RIC1: variants seen among roughly 807,000 people sequenced by gnomAD.
The protein encoded by RIC1 is guanine nucleotide exchange factor subunit RIC1.
In RIC1, 88 loss-of-function variants were observed where a neutral mutation model predicts 169.0. That is an observed-to-expected ratio of 0.52 (90% CI 0.44 to 0.62). RIC1 has a LOEUF of 0.62. Among genes scored for constraint, RIC1 ranks in the 20% least tolerant of loss-of-function variants. The probability of loss-of-function intolerance (pLI) is 0.00; values close to 1 mark genes in which losing one functional copy is unlikely to be tolerated. For synonymous variants in RIC1, 790 were observed against 601.5 expected (o/e 1.31, Z -4.59); for missense variants, 1,877 against 1,725.5 (o/e 1.09, Z -1.56).
At chr9:5,746,729 A>T (rs1183960047) in intron 11 of RIC1, among the ~76,000 whole-genome samples, 1 of 152,220 alleles carries the variant, frequency 6.6e-6, no homozygotes, top group Non-Finnish European at 1.5e-5. Flanking sequence ...AATATACAGT[A>T]ATGGTATATG....
chr9:5,634,698 CT>C (rs1479201810), intron 1 of RIC1, among the ~76,000 whole-genome samples: 1 of 152,016 alleles, frequency 6.6e-6, no homozygotes, highest in Non-Finnish European at 1.5e-5. Flanking sequence ...GTTTTCTTTA[CT>C]GTACAATAAC....
chr9:5,740,184 C>T (rs772193417), intron 8 of RIC1, among the ~76,000 whole-genome samples: 8 of 152,172 alleles, frequency 5.3e-5, no homozygotes, highest in Non-Finnish European at 8.8e-5. Context: ...TATAGAGTCA[C>T]TAAACTCCTT....
At chr9:5,778,494 C>CTAAT (rs757694891), downstream of RIC1, among the ~76,000 whole-genome samples, 1 of 152,158 alleles carries the variant, frequency 6.6e-6, no homozygotes, top group Non-Finnish European at 1.5e-5. Flanking sequence ...TCTCTCATCA[C>CTAAT]TAATTATGAT....
chr9:5,684,127 C>T (rs917618986), intron 2 of RIC1, among the ~76,000 whole-genome samples: 6 of 152,118 alleles, frequency 3.9e-5, no homozygotes, highest in East Asian at 1.9e-4. Context: ...CTTCAGCTCA[C>T]GCACAGTGCG....
intron 8 of RIC1, among the ~76,000 whole-genome samples, chr9:5,739,045 G>A (rs1009932309): frequency 1.3e-5 from 2 of 152,124 alleles, no homozygotes; most frequent in African/African-American, 4.8e-5. Flanking sequence ...ACAGAGAAGT[G>A]CAATTATAGG....
rs747108767 is a variant in RIC1, at chr9:5,753,250, T to C, written c.1491+12T>C. On this transcript the variant is annotated intron_variant, in intron 13 of 25. Transcript: ENST00000414202. ...ATTGGCCTATACGGGTGAGTTGTTATTTTGTTGGTGTTAACTTTTGTTGAC... is the reference window on the plus strand; with the variant it reads ...ATTGGCCTATACGGGTGAGTTGTTACTTTGTTGGTGTTAACTTTTGTTGAC... 15 of 1,613,150 alleles carry C rather than the reference T, an allele frequency of 9.3e-6. No individual in the cohort carries two copies. The highest frequency in any genetic ancestry group is 2.2e-5 in the South Asian group (2 of 91,044).
intron 7 of RIC1, among the ~76,000 whole-genome samples, chr9:5,733,988 C>T (rs1470541631): frequency 2.0e-5 from 3 of 147,074 alleles, no homozygotes; most frequent in Non-Finnish European, 4.5e-5. Context: ...TTTTTTTGGA[C>T]TACTGATTCA....
At chr9:5,711,583 A>G (rs868713070) in intron 3 of RIC1, among the ~76,000 whole-genome samples, 3 of 147,406 alleles carry the variant, frequency 2.0e-5, no homozygotes, top group Admixed American at 6.8e-5. Flanking sequence ...ATATATATAT[A>G]TTTTTATTAT....
In RIC1 at chr9:5,742,791, T is replaced by G; in HGVS notation, c.902-78T>G. On this transcript the variant is annotated intron_variant, in intron 8 of 25. Transcript: ENST00000414202. ...CTCATTTAGATTTGAAAATACAGATTGTATTTGAAAAAAAAAAAAAAACAA... is the reference window on the plus strand; with the variant it reads ...CTCATTTAGATTTGAAAATACAGATGGTATTTGAAAAAAAAAAAAAAACAA... The G allele has an allele frequency of 2.5e-6, 3 of 1,214,552 alleles. 1 individual carries two copies. The highest frequency in any genetic ancestry group is 3.4e-6 in the Non-Finnish European group (3 of 875,722). 75.2% of individuals were successfully genotyped at this position (1,214,552 alleles called of 1,614,324 possible). A position where few individuals can be genotyped will look rare whatever the true frequency, so the allele number is the denominator to read the frequency against.
intron 25 of RIC1, 84 bp from the exon 26 acceptor site, chr9:5,773,874 A>G (rs558716464): frequency 4.7e-5 from 60 of 1,281,172 alleles, no homozygotes; most frequent in South Asian, 1.8e-4. Flanking sequence ...TACCATATCA[A>G]TGTTCAGTAG....
At chr9:5,693,214 T>C (rs1297641664) in intron 3 of RIC1, among the ~76,000 whole-genome samples, 1 of 152,144 alleles carries the variant, frequency 6.6e-6, no homozygotes, top group Non-Finnish European at 1.5e-5. Context: ...AGAAATACTA[T>C]TGTCTCTCGT....
chr9:5,672,236 C>G (rs961787235), intron 2 of RIC1, among the ~76,000 whole-genome samples: 2 of 152,118 alleles, frequency 1.3e-5, no homozygotes, highest in African/African-American at 2.4e-5. Context: ...GCTAATGGAA[C>G]ACAGCAAAGA....
chr9:5,775,161 A>G lies in RIC1; in HGVS notation c.*915A>G, dbSNP rs977603647. The G allele has an allele frequency of 1.3e-5, 2 of 152,240 alleles. No homozygotes were observed. The highest frequency in any genetic ancestry group is 2.9e-5 in the Non-Finnish European group (2 of 68,040). The allele number at this position is 152,240 out of a possible 1,614,324, so 9.4% of individuals were successfully genotyped here. A position where few individuals can be genotyped will look rare whatever the true frequency, so the allele number is the denominator to read the frequency against. The stretch of plus-strand genomic sequence containing the variant: ...CAGAAATGGTCACACTGATCATGAA[A>G]TGCAGCAAGTTTTGTGCAAATTAAC... On this transcript the variant is annotated 3_prime_UTR_variant, in exon 26 of 26. Transcript: ENST00000414202.
At chr9:5,631,210 T>A (rs573008608) in intron 1 of RIC1, among the ~76,000 whole-genome samples, 43 of 152,346 alleles carry the variant, frequency 2.8e-4, no homozygotes, top group South Asian at 2.1e-3. Flanking sequence ...AAGGCAGTTC[T>A]GGAATTTAAA....
intron 2 of RIC1, among the ~76,000 whole-genome samples, chr9:5,662,131 A>G (rs1819489429): frequency 6.6e-6 from 1 of 152,310 alleles, no homozygotes. Flanking sequence ...GATGAATCAC[A>G]TTTATTGAAT....
At chr9:5,753,088 G>T (rs1586691852) in intron 12 of RIC1, 112 bp from the exon 13 acceptor site, 1 of 866,670 alleles carries the variant, frequency 1.2e-6, no homozygotes. Flanking sequence ...TACTAACTAG[G>T]GGGCACCTTA....
chr9:5,732,628 G>C (rs927902095), intron 7 of RIC1, 149 bp downstream of exon 7: 1 of 487,490 alleles, frequency 2.1e-6, no homozygotes, highest in Admixed American at 4.0e-5. Flanking sequence ...AAATGTAAAA[G>C]TATTTTATTA....
intron 1 of RIC1, among the ~76,000 whole-genome samples, chr9:5,635,646 A>G (rs1294495140): frequency 1.3e-5 from 2 of 152,122 alleles, no homozygotes; most frequent in African/African-American, 4.8e-5. Context: ...CCCAAATTTC[A>G]TCTCTAATCG....
At chr9:5,772,835 C>A in intron 24 of RIC1, 57 bp from the exon 25 acceptor site, 1 of 1,562,804 alleles carries the variant, frequency 6.4e-7, no homozygotes, top group Non-Finnish European at 8.7e-7. Context: ...CATTGCACTT[C>A]TGTACATCTT....
Sources: allele counts gnomAD v4.1 joint callset (sites outside exome capture counted in the v4.1 genomes callset), GRCh38; gene constraint gnomAD v4.1.1; transcripts MANE v1.5; gene names NCBI Gene and HGNC (gene_info 2026-07-23, HGNC 2026-07-21).